ADAM10: variants seen among roughly 807,000 people sequenced by gnomAD.
The protein encoded by ADAM10 is ADAM metallopeptidase domain 10.
A neutral mutation model predicts 90.1 loss-of-function variants in ADAM10; 17 were observed. The observed-to-expected ratio is 0.19, with a 90% CI of 0.13 to 0.28. The LOEUF is 0.28. Among genes scored for constraint, ADAM10 ranks in the 10% least tolerant of loss-of-function variants. The pLI is 1.00. For missense variants in ADAM10, 610 were observed against 914.3 expected, an observed-to-expected ratio of 0.67 and a Z score of 4.29; for synonymous variants, 310 against 298.6, an observed-to-expected ratio of 1.04 and a Z score of -0.40.
rs1300577716 is a variant in ADAM10, at chr15:58,592,811, G to C, written c.*4736C>G. The C allele has an allele frequency of 1.3e-4, 19 of 150,370 alleles. No individual in the cohort carries two copies. Among genetic ancestry groups the C allele is most frequent in the African/African-American group, 4.6e-4 (19 of 41,184 alleles). 9.3% of individuals were successfully genotyped at this position (150,370 alleles called of 1,614,324 possible). Reference sequence around the variant, plus strand: ...TATAACTTGGTACATCTATCTGGGAGACAGTACCATAATTTTTATCAATGT... The same window carrying C: ...TATAACTTGGTACATCTATCTGGGACACAGTACCATAATTTTTATCAATGT... On this transcript the variant is annotated 3_prime_UTR_variant, in exon 16 of 16. Transcript: ENST00000260408.
chr15:58,649,874 T>TC (rs1227587598), intron 5 of ADAM10, among the ~76,000 whole-genome samples: 27 of 152,336 alleles, frequency 1.8e-4, no homozygotes, highest in African/African-American at 6.0e-4. Context: ...TCCTTGACTC[T>TC]CCATTTTCCT....
intron 3 of ADAM10, 66 bp from the exon 4 acceptor site, chr15:58,679,348 A>G (rs1897366995): frequency 5.1e-6 from 7 of 1,367,204 alleles, no homozygotes; most frequent in Non-Finnish European, 6.2e-6. Flanking sequence ...TCATTCATAT[A>G]TATGTATATA....
chr15:58,708,576 C>G (rs1477301204), intron 2 of ADAM10, among the ~76,000 whole-genome samples: 6 of 152,112 alleles, frequency 3.9e-5, no homozygotes, highest in African/African-American at 1.4e-4. Flanking sequence ...AGTGGGAGGA[C>G]TGCTTGAGCT....
At position 58,597,070 on chromosome 15, in the gene ADAM10, T is replaced by C; in HGVS notation, c.*477A>G. 2 of 251,300 alleles carry C rather than the reference T, an allele frequency of 8.0e-6. No individual in the cohort carries two copies. The highest frequency in any genetic ancestry group is 1.6e-5 in the Non-Finnish European group (2 of 128,126). 15.6% of individuals were successfully genotyped at this position (251,300 alleles called of 1,614,324 possible). ...TTTACAATTGCACACAGAAGTACAGTGTACGTAAGAAATACATGTCTGCAT... is the reference window on the plus strand; with the variant it reads ...TTTACAATTGCACACAGAAGTACAGCGTACGTAAGAAATACATGTCTGCAT... On this transcript the variant is annotated 3_prime_UTR_variant, in exon 16 of 16. Coordinates refer to ENST00000260408, the MANE Select transcript of ADAM10 (RefSeq NM_001110.4).
In ADAM10 at chr15:58,595,057, G is replaced by C. The variant is rs1894914522; in HGVS notation, c.*2490C>G. ...TTTAAACAAACTTATCATTAAACTA[G>C]GCTTTTTAAAATAAATGAGGTACTT... On this transcript the variant is annotated 3_prime_UTR_variant, in exon 16 of 16. Coordinates refer to ENST00000260408, the MANE Select transcript of ADAM10 (RefSeq NM_001110.4). 1.3e-5 allele frequency: 2 copies of C among 151,886 alleles called. No homozygotes were observed. The highest frequency in any genetic ancestry group is 4.8e-5 in the African/African-American group (2 of 41,348). 9.4% of individuals were successfully genotyped at this position (151,886 alleles called of 1,614,324 possible). A position where few individuals can be genotyped will look rare whatever the true frequency, so the allele number is the denominator to read the frequency against.
intron 5 of ADAM10, among the ~76,000 whole-genome samples, chr15:58,651,841 T>C (rs1200614816): frequency 6.6e-6 from 1 of 152,172 alleles, no homozygotes; most frequent in Non-Finnish European, 1.5e-5. Context: ...TCCATAGCAA[T>C]TGTACTAATT....
chr15:58,735,873 G>T (rs1286132421), intron 1 of ADAM10, among the ~76,000 whole-genome samples: 1 of 152,108 alleles, frequency 6.6e-6, no homozygotes, highest in African/African-American at 2.4e-5. Flanking sequence ...TGAAAAAACT[G>T]AAATGGTTTT....
intron 1 of ADAM10, among the ~76,000 whole-genome samples, chr15:58,724,816 C>A (rs902263029): frequency 1.3e-5 from 2 of 152,192 alleles, no homozygotes; most frequent in East Asian, 3.8e-4. Context: ...CATATTTCTA[C>A]CATCTAGAGA....
At chr15:58,745,492 C>T (rs184385373) in intron 1 of ADAM10, among the ~76,000 whole-genome samples, 1 of 152,180 alleles carries the variant, frequency 6.6e-6, no homozygotes, top group African/African-American at 2.4e-5. Flanking sequence ...TAAAGACCTT[C>T]AAGCTGCTAC....
At chr15:58,717,170 G>T (rs1318560422) in intron 2 of ADAM10, among the ~76,000 whole-genome samples, 1 of 90,196 alleles carries the variant, frequency 1.1e-5, no homozygotes, top group Non-Finnish European at 3.0e-5. Flanking sequence ...CTGTCTACCA[G>T]CTGTCATTTT....
At chr15:58,660,478 A>G (rs1471944240) in intron 5 of ADAM10, among the ~76,000 whole-genome samples, 1 of 151,538 alleles carries the variant, frequency 6.6e-6, no homozygotes, top group Non-Finnish European at 1.5e-5. Flanking sequence ...TAGTCCATTT[A>G]TATTTTTTTA....
intron 8 of ADAM10, among the ~76,000 whole-genome samples, chr15:58,633,681 A>G (rs139019833): frequency 2.4e-3 from 369 of 152,314 alleles, no homozygotes; most frequent in Non-Finnish European, 4.0e-3. Context: ...CAATTTGAAT[A>G]TATCAGTATT....
chr15:58,679,835 G>C (rs1897381650), intron 3 of ADAM10, among the ~76,000 whole-genome samples: 2 of 152,176 alleles, frequency 1.3e-5, no homozygotes, highest in African/African-American at 4.8e-5. Context: ...TTGAACCCTG[G>C]AGGCGGAGGT....
rs1897048606 is a variant in ADAM10 at position 58,665,080 on chromosome 15, A to G, written c.585+17T>C. 6.6e-7 allele frequency: 1 copy of G among 1,520,292 alleles called. No individual in the cohort carries two copies. The highest frequency in any genetic ancestry group is 9.1e-7 in the Non-Finnish European group (1 of 1,094,804). 94.2% of individuals were successfully genotyped at this position (1,520,292 alleles called of 1,614,324 possible). A position where few individuals can be genotyped will look rare whatever the true frequency, so the allele number is the denominator to read the frequency against. On this transcript the variant is annotated intron_variant, in intron 5 of 15. Transcript: ENST00000260408. ...CATTTCCATTTCCTAAATGCAAGCT[A>G]GTGTTAAAATCCTTACCTGTGTTAC...
chr15:58,683,985 T>C lies in ADAM10; in HGVS notation c.207-1671A>G, dbSNP rs1897519732. ...AAATGCTCAAGTCCCTTATACAAAATGGTACAGTATTTGTATATAACAAAT... is the reference window on the plus strand; with the variant it reads ...AAATGCTCAAGTCCCTTATACAAAACGGTACAGTATTTGTATATAACAAAT... On this transcript the variant is annotated intron_variant, in intron 2 of 15. Coordinates refer to ENST00000260408, the MANE Select transcript of ADAM10 (RefSeq NM_001110.4). Among the ~76,000 whole-genome samples, 2 of 151,664 alleles carry C rather than the reference T, an allele frequency of 1.3e-5. 1 individual carries two copies. Among genetic ancestry groups the C allele is most frequent in the South Asian group, 4.2e-4 (2 of 4,818 alleles).
At chr15:58,713,348 C>G (rs536657272) in intron 2 of ADAM10, among the ~76,000 whole-genome samples, 19 of 152,210 alleles carry the variant, frequency 1.2e-4, no homozygotes, top group Middle Eastern at 6.8e-3. Context: ...TCAAGTGATC[C>G]TTTCACCTCA....
At chr15:58,619,592 A>G (rs1895720125) in intron 11 of ADAM10, among the ~76,000 whole-genome samples, 1 of 152,164 alleles carries the variant, frequency 6.6e-6, no homozygotes, top group African/African-American at 2.4e-5. Flanking sequence ...AATATGTACA[A>G]TCATTATGTA....
intron 2 of ADAM10, among the ~76,000 whole-genome samples, chr15:58,716,974 A>G (rs538197775): frequency 6.6e-6 from 1 of 152,292 alleles, no homozygotes; most frequent in African/African-American, 2.4e-5. Context: ...TCTGAGCCTT[A>G]GTTTCCTCGG....
rs749030755 is a variant in ADAM10 at position 58,717,731 on chromosome 15, TA to T, written c.56-5del. On this transcript the variant is annotated splice_region_variant and splice_polypyrimidine_tract_variant and intron_variant, in intron 1 of 15. Transcript: ENST00000260408. The stretch of plus-strand genomic sequence containing the variant: ...TTTAAAGGATTCCCATACTGACCTA[TA>T]AAAAAAAAACAACATTCTGAATTAG... 7.0e-4 allele frequency: 970 copies of T among 1,381,446 alleles called. 4 individuals are homozygous for T. The highest frequency in any genetic ancestry group is 6.5e-3 in the South Asian group (494 of 75,660). The allele number at this position is 1,381,446 out of a possible 1,614,324, so 85.6% of individuals were successfully genotyped here.
Sources: allele counts gnomAD v4.1 joint callset (sites outside exome capture counted in the v4.1 genomes callset), GRCh38; gene constraint gnomAD v4.1.1; transcripts MANE v1.5; gene names NCBI Gene and HGNC (gene_info 2026-07-23, HGNC 2026-07-21).